The following TOP1MT variants were observed in gnomAD, a reference collection of about 807,000 sequenced individuals.
TOP1MT encodes DNA topoisomerase I, mitochondrial.
Under a neutral mutation model 73.9 loss-of-function variants are expected in TOP1MT, and 80 were observed. The ratio of observed to expected loss-of-function variants is 1.08; its 90% confidence interval spans 0.90 to 1.30. TOP1MT has a LOEUF of 1.30. Ranked by LOEUF, TOP1MT falls within the 50% of genes most tolerant of loss-of-function variation. The probability of loss-of-function intolerance (pLI) is 0.00; values close to 1 mark genes in which losing one functional copy is unlikely to be tolerated. For synonymous variants in TOP1MT, 338 were observed against 326.4 expected (o/e 1.04, Z -0.38); for missense variants, 815 against 808.0 (o/e 1.01, Z -0.10).
At chr8:143,332,496 C>G (rs1437573049) in intron 1 of TOP1MT, 1 of 1,289,264 alleles carries the variant, frequency 7.8e-7, no homozygotes, top group Admixed American at 2.3e-5. Context: ...CCTGCCAGAG[C>G]CAGGAGACCT....
intron 1 of TOP1MT, among the ~76,000 whole-genome samples, chr8:143,351,817 C>T (rs1817325405): frequency 6.6e-6 from 1 of 152,178 alleles, no homozygotes; most frequent in Admixed American, 6.5e-5. Context: ...GGTGTAGTGG[C>T]TCATGCCTGT....
At chr8:143,327,740 GA>G in intron 3 of TOP1MT, 1 of 427,526 alleles carries the variant, frequency 2.3e-6, no homozygotes, top group Non-Finnish European at 4.6e-6. Flanking sequence ...AAGCTGTCGT[GA>G]AAGGCAGAGG....
At chr8:143,312,385 T>C (rs534818712) in intron 12 of TOP1MT, among the ~76,000 whole-genome samples, 10 of 152,266 alleles carry the variant, frequency 6.6e-5, no homozygotes, top group African/African-American at 2.2e-4. Flanking sequence ...CAAGTAGGAT[T>C]TATCCCAGGA....
upstream of TOP1MT, among the ~76,000 whole-genome samples, chr8:143,346,752 G>A (rs1817227037): frequency 6.6e-6 from 1 of 152,196 alleles, no homozygotes; most frequent in African/African-American, 2.4e-5. Flanking sequence ...CCAAAATCAA[G>A]AAGCTGCATC....
chr8:143,323,690 CCA>C (rs145332042), intron 7 of TOP1MT, among the ~76,000 whole-genome samples: 35,639 of 69,668 alleles, frequency 0.51, 12,161 homozygotes, highest in South Asian at 0.54. Context: ...CACATGCACG[CCA>C]CACACACAGG....
chr8:143,315,914 C>G, intron 11 of TOP1MT, 85 bp downstream of exon 11: 1 of 1,608,354 alleles, frequency 6.2e-7, no homozygotes, highest in Non-Finnish European at 8.5e-7. Flanking sequence ...CCCACCGCAG[C>G]TGGCTCCCAG....
intron 7 of TOP1MT, among the ~76,000 whole-genome samples, chr8:143,322,649 G>A (rs200235565): frequency 2.1e-3 from 77 of 35,876 alleles, no homozygotes; most frequent in South Asian, 3.2e-3. Flanking sequence ...CACGCCACAC[G>A]CACACCACAC....
chr8:143,347,724 CCAGCCA>C (rs1302410059), upstream of TOP1MT, among the ~76,000 whole-genome samples: 2 of 151,068 alleles, frequency 1.3e-5, no homozygotes, highest in Non-Finnish European at 2.9e-5. Context: ...AGCCAGCCAG[CCAGCCA>C]GCGGGGAAGA....
chr8:143,346,920 G>A (rs1402269906), upstream of TOP1MT, among the ~76,000 whole-genome samples: 1 of 151,880 alleles, frequency 6.6e-6, no homozygotes, highest in African/African-American at 2.4e-5. Context: ...ACTTATGAGG[G>A]TAGAGCCAAA....
intron 10 of TOP1MT, 103 bp from the exon 11 acceptor site, chr8:143,316,229 T>G: frequency 6.5e-7 from 1 of 1,549,844 alleles, no homozygotes; most frequent in East Asian, 2.3e-5. Flanking sequence ...CCCCTTCCAC[T>G]CACACAGGCA....
upstream of TOP1MT, among the ~76,000 whole-genome samples, chr8:143,357,750 C>T (rs375088953): frequency 3.3e-5 from 5 of 152,068 alleles, no homozygotes; most frequent in South Asian, 8.3e-4. Flanking sequence ...GGTGAAATCA[C>T]GTATCTACTA....
rs754202197 is a variant in TOP1MT, at chr8:143,342,134, GTTATTA to G, written c.29+1080_29+1085del. Among the ~76,000 whole-genome samples the G allele has an allele frequency of 6.5e-5, 8 of 122,890 alleles. 1 individual carries two copies. The highest frequency in any genetic ancestry group is 8.9e-5 in the African/African-American group (2 of 22,566). 80.6% of individuals were successfully genotyped at this position (122,890 alleles called of 152,430 possible). On this transcript the variant is annotated intron_variant, in intron 2 of 5. Coordinates refer to the TOP1MT transcript ENST00000518007. ...ATTATTAGAGACACAGTCTCGCTCT[GTTATTA>G]TTATTATTATTAGAGACAGAGTCTC... is the stretch of plus-strand genomic sequence containing the variant.
At chr8:143,330,938 G>A (rs1255794351) in intron 2 of TOP1MT, among the ~76,000 whole-genome samples, 1 of 142,190 alleles carries the variant, frequency 7.0e-6, no homozygotes, top group Non-Finnish European at 1.6e-5. Context: ...CAGTGGTGCG[G>A]GGGGAGGGAG....
chr8:143,322,068 C>G (rs1816432364), intron 7 of TOP1MT, among the ~76,000 whole-genome samples: 1 of 104,514 alleles, frequency 9.6e-6, no homozygotes, highest in African/African-American at 3.1e-5. Flanking sequence ...GCACGCCACA[C>G]ACGCACGCCA....
At chr8:143,318,761 T>A (rs1816246573) in intron 8 of TOP1MT, among the ~76,000 whole-genome samples, 1 of 151,698 alleles carries the variant, frequency 6.6e-6, no homozygotes, top group Non-Finnish European at 1.5e-5. Context: ...ACTGGCCCCC[T>A]CATCAGCCTG....
At chr8:143,328,628 A>G (rs2450771) in intron 3 of TOP1MT, among the ~76,000 whole-genome samples, 114,367 of 152,254 alleles carry the variant, frequency 0.75, 43,122 homozygotes, top group South Asian at 0.85. Context: ...CAACTCACAC[A>G]TATGTGCCCT....
chr8:143,351,199 T>G (rs1441307081), intron 1 of TOP1MT, among the ~76,000 whole-genome samples: 1 of 152,184 alleles, frequency 6.6e-6, no homozygotes, highest in African/African-American at 2.4e-5. Flanking sequence ...TTGAGCTCAA[T>G]CTCTCTCCCC....
intron 7 of TOP1MT, among the ~76,000 whole-genome samples, chr8:143,322,643 C>CA (rs1554620366): frequency 4.7e-4 from 26 of 55,006 alleles, no homozygotes; most frequent in African/African-American, 2.4e-3. Context: ...CACACACACG[C>CA]CACACGCACA....
chr8:143,313,406 C>T (rs1463599205), intron 12 of TOP1MT, among the ~76,000 whole-genome samples: 1 of 151,432 alleles, frequency 6.6e-6, no homozygotes, highest in Non-Finnish European at 1.5e-5. Context: ...AAAAATTAGC[C>T]AGGTATAGTG....
Sources: gnomAD v4.1 joint callset for allele counts (sites outside exome capture counted in the v4.1 genomes callset) on GRCh38, gnomAD v4.1.1 for gene constraint, MANE v1.5 for transcripts, NCBI Gene and HGNC (gene_info 2026-07-23, HGNC 2026-07-21) for gene names.